The following CACNG3 variants were observed in gnomAD, a reference collection of about 807,000 sequenced individuals.
The protein encoded by CACNG3 is voltage-dependent calcium channel gamma-3 subunit.
CACNG3 carries 3 observed loss-of-function variants against 28.5 expected under a neutral mutation model. That is an observed-to-expected ratio of 0.11 (90% confidence interval 0.05 to 0.27). The LOEUF (loss-of-function observed/expected upper bound fraction) is 0.27, where lower values mean the gene tolerates loss of function less well. Ranked by LOEUF, CACNG3 falls within the 10% of genes least tolerant of loss-of-function variation. The pLI is 1.00. For missense variants in CACNG3, 236 were observed against 414.4 expected (o/e 0.57, Z 3.74); for synonymous variants, 174 against 162.2 (o/e 1.07, Z -0.55).
Position 24,361,599 on chromosome 16 carries a change from G to A in CACNG3, c.684G>A (p.Arg228=). 1.2e-6 allele frequency: 2 copies of A among 1,613,678 alleles called. No individual in the cohort carries two copies. Among genetic ancestry groups the A allele is most frequent in the East Asian group, 4.5e-5 (2 of 44,850 alleles). ...KSTFARLPPY[R]YRFRRRSSSR... ...CTTTTGCCCGCCTCCCACCCTACAG[G>A]TATCGATTCCGGAGGCGGTCAAGTT... Residue 228 remains arginine, a synonymous_variant, in exon 4 of 4, where the codon AGG becomes AGA. Transcript: ENST00000005284. This position sits in a 1 kb window ranked among gnomAD's most constrained non-coding sequence, Gnocchi z 6.8.
intron 3 of CACNG3, among the ~76,000 whole-genome samples, chr16:24,360,657 ACCT>A (rs1241899975): frequency 1.3e-5 from 2 of 151,992 alleles, no homozygotes; most frequent in Non-Finnish European, 2.9e-5. Flanking sequence ...ATGTGTTCAA[ACCT>A]CCTCTTTTAT....
At chr16:24,337,264 C>T (rs1899724909) in intron 1 of CACNG3, among the ~76,000 whole-genome samples, 1 of 152,144 alleles carries the variant, frequency 6.6e-6, no homozygotes, top group Non-Finnish European at 1.5e-5. Context: ...CTCTAGAGGT[C>T]AGATAGGCAC....
chr16:24,291,468 A>G (rs886131451), intron 1 of CACNG3, among the ~76,000 whole-genome samples: 14 of 152,234 alleles, frequency 9.2e-5, no homozygotes, highest in African/African-American at 2.9e-4. Flanking sequence ...GCTTAAAAAA[A>G]TCAAGTGAGG....
intron 1 of CACNG3, among the ~76,000 whole-genome samples, chr16:24,319,553 A>C (rs1348766378): frequency 6.6e-6 from 1 of 152,128 alleles, no homozygotes; most frequent in Non-Finnish European, 1.5e-5. Context: ...TCCTGGCCTC[A>C]ATCAACAACA....
intron 1 of CACNG3, among the ~76,000 whole-genome samples, chr16:24,282,982 C>A (rs1396288051): frequency 6.6e-6 from 1 of 152,098 alleles, no homozygotes; most frequent in Non-Finnish European, 1.5e-5. Context: ...AATTCTCCTG[C>A]CTCAGCCTCC....
At chr16:24,324,468 C>T (rs900060081) in intron 1 of CACNG3, among the ~76,000 whole-genome samples, 3 of 152,142 alleles carry the variant, frequency 2.0e-5, no homozygotes, top group Non-Finnish European at 2.9e-5. Flanking sequence ...CCAGACCCAA[C>T]ACACCAAGTC....
intron 1 of CACNG3, among the ~76,000 whole-genome samples, chr16:24,317,754 C>T (rs932104789): frequency 1.3e-5 from 2 of 151,994 alleles, no homozygotes; most frequent in African/African-American, 2.4e-5. Context: ...CCTCGGGTCC[C>T]ACCCCAGACC....
chr16:24,344,036 C>T (rs987387126), intron 1 of CACNG3, among the ~76,000 whole-genome samples: 13 of 151,942 alleles, frequency 8.6e-5, no homozygotes, highest in Admixed American at 1.3e-4. Flanking sequence ...GCCAAGATTG[C>T]GTCACTGCAC....
intron 1 of CACNG3, among the ~76,000 whole-genome samples, chr16:24,284,530 A>ACTG (rs1394395066): frequency 1.3e-5 from 2 of 152,118 alleles, no homozygotes; most frequent in African/African-American, 4.8e-5. Context: ...CTTGTCTCCG[A>ACTG]CTGCATTTAT....
At chr16:24,273,047 C>T (rs947006545) in intron 1 of CACNG3, among the ~76,000 whole-genome samples, 2 of 152,098 alleles carry the variant, frequency 1.3e-5, no homozygotes, top group African/African-American at 4.8e-5. Flanking sequence ...CTCTATGTGT[C>T]CATGTGTTCT....
chr16:24,280,648 T>C (rs2141350916), intron 1 of CACNG3, among the ~76,000 whole-genome samples: 1 of 151,678 alleles, frequency 6.6e-6, no homozygotes, highest in African/African-American at 2.4e-5. Context: ...AAACCCTGTC[T>C]CTACTAAAAA....
intron 1 of CACNG3, among the ~76,000 whole-genome samples, chr16:24,307,674 A>G (rs1365466141): frequency 6.6e-6 from 1 of 152,144 alleles, no homozygotes; most frequent in African/African-American, 2.4e-5. Context: ...TGTAAACTCT[A>G]CCACAGCTCT....
intron 1 of CACNG3, among the ~76,000 whole-genome samples, chr16:24,309,501 C>T (rs1216172034): frequency 6.6e-6 from 1 of 152,222 alleles, no homozygotes; most frequent in African/African-American, 2.4e-5. Context: ...CGGGCTGCCA[C>T]ATGACTCATT....
intron 2 of CACNG3, among the ~76,000 whole-genome samples, chr16:24,351,972 C>G (rs1035739647): frequency 6.6e-6 from 1 of 151,706 alleles, no homozygotes; most frequent in African/African-American, 2.4e-5. Context: ...CCCACCACCA[C>G]GCCCGGCTAA....
intron 1 of CACNG3, among the ~76,000 whole-genome samples, chr16:24,340,001 G>A (rs1040893510): frequency 1.3e-5 from 2 of 152,132 alleles, no homozygotes; most frequent in African/African-American, 4.8e-5. Context: ...CAGGTGTGGT[G>A]GTTCACACCT....
intron 1 of CACNG3, among the ~76,000 whole-genome samples, chr16:24,340,825 G>A (rs952155707): frequency 1.1e-4 from 17 of 152,186 alleles, no homozygotes; most frequent in African/African-American, 4.1e-4. Context: ...CATGCCCTTC[G>A]CTGGGCTCCT....
chr16:24,286,616 G>A (rs1400805108), intron 1 of CACNG3, among the ~76,000 whole-genome samples: 1 of 152,128 alleles, frequency 6.6e-6, no homozygotes, highest in Non-Finnish European at 1.5e-5. Flanking sequence ...CAGCAGCAAA[G>A]CCATTTATTG....
rs752705408 is a variant in CACNG3 at position 24,256,854 on chromosome 16, T to C, written c.100T>C (p.Leu34=). The part of the protein sequence containing the change: ...MTIAVGTDYW[L]YSRGVCRTKS... ...CATTGCAGTGGGCACGGACTACTGG[T>C]TATATTCCAGAGGTGTGTGCAGGAC... is the stretch of plus-strand genomic sequence containing the variant. Residue 34 remains leucine (L), a synonymous_variant, in exon 1 of 4, where the codon TTA becomes CTA. Transcript: ENST00000005284. The surrounding 1 kb of genome is among the most constrained non-coding windows in gnomAD (Gnocchi z 4.6). 6.2e-7 allele frequency: 1 copy of C among 1,613,000 alleles called. No individual in the cohort carries two copies. Among genetic ancestry groups the C allele is most frequent in the South Asian group, 1.1e-5 (1 of 91,056 alleles).
At chr16:24,303,993 T>G (rs1036088642) in intron 1 of CACNG3, among the ~76,000 whole-genome samples, 6 of 152,110 alleles carry the variant, frequency 3.9e-5, no homozygotes, top group African/African-American at 1.4e-4. Context: ...GCCCAGGAGT[T>G]CAAGTCCAGC....
Sources: allele counts gnomAD v4.1 joint callset (sites outside exome capture counted in the v4.1 genomes callset), GRCh38; gene constraint gnomAD v4.1.1; non-coding constraint Gnocchi (gnomAD v3.1); transcripts MANE v1.5; gene names NCBI Gene and HGNC (gene_info 2026-07-23, HGNC 2026-07-21).